Variants in TM4SF5 observed in about 807,000 individuals in gnomAD.
TM4SF5 encodes transmembrane 4 L six family member 5, also known as transmembrane 4 L6 family member 5.
Under a neutral mutation model 22.3 loss-of-function variants are expected in TM4SF5, and 16 were observed. That is an observed-to-expected ratio of 0.72 (90% CI 0.49 to 1.09). The LOEUF (loss-of-function observed/expected upper bound fraction) is 1.09, where lower values mean the gene tolerates loss of function less well. TM4SF5 is among the 50% of genes least tolerant of loss of function. TM4SF5 has a pLI of 0.00. For missense variants in TM4SF5, 249 were observed against 266.1 expected (o/e 0.94, Z 0.45); for synonymous variants, 113 against 109.6 (o/e 1.03, Z -0.19).
intron 2 of TM4SF5, among the ~76,000 whole-genome samples, chr17:4,781,158 A>G (rs11656537): frequency 3.6e-5 from 5 of 137,856 alleles, no homozygotes; most frequent in East Asian, 4.1e-4. Context: ...AAAAAAAAAA[A>G]AAGAAGAGAA....
intron 2 of TM4SF5, among the ~76,000 whole-genome samples, chr17:4,782,266 A>G (rs935991071): frequency 6.6e-6 from 1 of 151,840 alleles, no homozygotes; most frequent in African/African-American, 2.4e-5. Context: ...TTCAGTAAAG[A>G]CAAGGTTTCT....
intron 1 of TM4SF5, among the ~76,000 whole-genome samples, chr17:4,773,419 C>T (rs746988): frequency 0.56 from 84,490 of 151,938 alleles, 25,020 homozygotes; most frequent in South Asian, 0.81. Context: ...TCCACCCATT[C>T]AGGGAAACTT....
intron 3 of TM4SF5, 43 bp from the exon 4 acceptor site, chr17:4,782,805 GGCGCAC>G (rs752756371): frequency 2.5e-6 from 4 of 1,584,460 alleles, no homozygotes; most frequent in Admixed American, 1.7e-5. Flanking sequence ...GGGGCGGGGT[GGCGCAC>G]GCGCACGCTG....
rs147217839 is a variant in TM4SF5 at position 4,780,793 on chromosome 17, T to C, written c.182T>C (p.Leu61Pro). 1.2e-6 allele frequency: 2 copies of C among 1,609,950 alleles called. No homozygotes were observed. The highest frequency in any genetic ancestry group is 1.1e-5 in the South Asian group (1 of 90,132). ...GGFIGGGLMV[L>P]CPGIAAVRAG... ...ACAATGACTCTTGTCCCACAGGTAC[T>C]GTGTCCGGGGATTGCAGCCGTTCGG... Residue 61 changes from leucine to proline, a missense_variant, in exon 2 of 5, where the codon CTG (leucine) becomes CCG (proline). Coordinates refer to ENST00000270560, the MANE Select transcript of TM4SF5 (RefSeq NM_003963.3).
At chr17:4,782,707 T>C (rs1428910541) in intron 3 of TM4SF5, 68 bp downstream of exon 3, 8 of 1,596,894 alleles carry the variant, frequency 5.0e-6, no homozygotes, top group East Asian at 2.2e-5. Context: ...CCCCGTGGAC[T>C]GGGACACCTG....
chr17:4,774,029 A>C (rs1410264885), intron 1 of TM4SF5, among the ~76,000 whole-genome samples: 1 of 152,204 alleles, frequency 6.6e-6, no homozygotes, highest in Admixed American at 6.5e-5. Flanking sequence ...CAGCCTGGCC[A>C]ACATGGTGAA....
Position 4,780,812 on chromosome 17 carries a change from C to A in TM4SF5, c.201C>A (p.Ala67=), listed in dbSNP as rs781396189. 11 of 1,610,654 alleles carry A rather than the reference C, an allele frequency of 6.8e-6. No individual in the cohort carries two copies. The highest frequency in any genetic ancestry group is 9.3e-6 in the Non-Finnish European group (11 of 1,178,412). The change falls in exon 2 of 5, where the codon GCC becomes GCA. Residue 67 remains alanine, a synonymous_variant. Transcript: ENST00000270560. ...GLMVLCPGIA[A]VRAGGKGCCG... ...AGGTACTGTGTCCGGGGATTGCAGC[C>A]GTTCGGGCAGGGGGCAAGGGCTGCT...
chr17:4,774,867 A>G (rs1363563454), intron 1 of TM4SF5, among the ~76,000 whole-genome samples: 1 of 152,220 alleles, frequency 6.6e-6, no homozygotes, highest in Non-Finnish European at 1.5e-5. Flanking sequence ...AGATTGCACC[A>G]TTGTACTCCA....
At chr17:4,772,225 G>A in intron 1 of TM4SF5, 126 bp downstream of exon 1, 1 of 1,189,512 alleles carries the variant, frequency 8.4e-7, no homozygotes. Context: ...GGCTTCGTGG[G>A]GGCTAGCAGC....
At chr17:4,782,353 A>T in intron 2 of TM4SF5, 150 bp from the exon 3 acceptor site, 1 of 884,840 alleles carries the variant, frequency 1.1e-6, no homozygotes, top group Non-Finnish European at 1.8e-6. Flanking sequence ...TGCTGAGATT[A>T]CAGGGGTGAG....
chr17:4,777,069 T>A (rs1370422162), intron 1 of TM4SF5, among the ~76,000 whole-genome samples: 2 of 151,778 alleles, frequency 1.3e-5, no homozygotes, highest in East Asian at 3.9e-4. Flanking sequence ...TGGTGGTGCA[T>A]GCCTGTAATC....
intron 2 of TM4SF5, among the ~76,000 whole-genome samples, chr17:4,782,281 G>T (rs535090468): frequency 6.6e-6 from 1 of 151,900 alleles, no homozygotes; most frequent in Non-Finnish European, 1.5e-5. Context: ...GTTTCTCCAT[G>T]TTGGCCAGGC....
intron 1 of TM4SF5, among the ~76,000 whole-genome samples, chr17:4,779,074 A>AG (rs1325295713): frequency 6.6e-6 from 1 of 151,120 alleles, no homozygotes; most frequent in Non-Finnish European, 1.5e-5. Context: ...AAAAAAAAAA[A>AG]GAGTTCAGTC....
chr17:4,782,359 G>T (rs972100135), intron 2 of TM4SF5, 144 bp from the exon 3 acceptor site: 21 of 962,414 alleles, frequency 2.2e-5, no homozygotes, highest in Non-Finnish European at 3.1e-5. Flanking sequence ...GATTACAGGG[G>T]TGAGCCACCG....
chr17:4,779,257 C>T (rs1364942841), intron 1 of TM4SF5, among the ~76,000 whole-genome samples: 2 of 151,678 alleles, frequency 1.3e-5, no homozygotes, highest in Non-Finnish European at 2.9e-5. Context: ...AGCAAGACCC[C>T]ATGTCTACAA....
chr17:4,778,453 A>G (rs1415353001), intron 1 of TM4SF5, among the ~76,000 whole-genome samples: 1 of 151,882 alleles, frequency 6.6e-6, no homozygotes, highest in African/African-American at 2.4e-5. Context: ...AACTCTCCAA[A>G]AAAATTAGCC....
chr17:4,775,060 C>T (rs1056925272), intron 1 of TM4SF5, among the ~76,000 whole-genome samples: 6 of 151,970 alleles, frequency 3.9e-5, no homozygotes, highest in Non-Finnish European at 7.4e-5. Flanking sequence ...GTGAGTGTTG[C>T]AGACACTAGG....
In TM4SF5 at chr17:4,774,025, G is replaced by A. The variant is rs575652660; in HGVS notation, c.177+1926G>A. Among the ~76,000 whole-genome samples the A allele has an allele frequency of 2.0e-5, 3 of 152,286 alleles. No homozygotes were observed. In the East Asian group the frequency reaches 5.8e-4, roughly 29 times the overall value. On this transcript the variant is annotated intron_variant, in intron 1 of 4. Coordinates refer to ENST00000270560, the MANE Select transcript of TM4SF5 (RefSeq NM_003963.3). ...GAGGTCAGGAGTTCAAGACCAGCCT[G>A]GCCAACATGGTGAAACCCCGTCTCT...
chr17:4,781,770 C>T (rs1402727780), intron 2 of TM4SF5, among the ~76,000 whole-genome samples: 1 of 152,066 alleles, frequency 6.6e-6, no homozygotes, highest in Non-Finnish European at 1.5e-5. Flanking sequence ...CCCCCTTGGC[C>T]TCCCAAAGTG....
Sources: allele counts gnomAD v4.1 joint callset (sites outside exome capture counted in the v4.1 genomes callset), GRCh38; gene constraint gnomAD v4.1.1; transcripts MANE v1.5; gene names NCBI Gene and HGNC (gene_info 2026-07-23, HGNC 2026-07-21).